PCDH9: variants seen among roughly 807,000 people sequenced by gnomAD.
PCDH9 encodes protocadherin 9, also known as protocadherin-9.
A neutral mutation model predicts 70.6 loss-of-function variants in PCDH9; 24 were observed. The ratio of observed to expected loss-of-function variants is 0.34; its 90% confidence interval spans 0.25 to 0.48. The LOEUF (loss-of-function observed/expected upper bound fraction) is 0.48, where lower values mean the gene tolerates loss of function less well. PCDH9 is among the 20% of genes least tolerant of loss of function. The pLI, the probability that PCDH9 is intolerant of heterozygous loss-of-function variation, is 0.99. For missense variants in PCDH9, 1,281 were observed against 1,503.6 expected (o/e 0.85, Z 2.45); for synonymous variants, 562 against 558.5 (o/e 1.01, Z -0.09).
At chr13:66,775,972 C>T (rs1189082852) in intron 3 of PCDH9, among the ~76,000 whole-genome samples, 3 of 152,124 alleles carry the variant, frequency 2.0e-5, no homozygotes, top group South Asian at 4.2e-4. Flanking sequence ...TTCCATCCAC[C>T]ATGTTGGAGG....
chr13:66,629,499 A>C (rs187608988), intron 4 of PCDH9, among the ~76,000 whole-genome samples: 55 of 152,362 alleles, frequency 3.6e-4, no homozygotes, highest in African/African-American at 1.3e-3. Flanking sequence ...GATTCAATGA[A>C]ACCACTTAGA....
At chr13:66,490,300 T>C (rs1959012883) in intron 4 of PCDH9, among the ~76,000 whole-genome samples, 1 of 152,232 alleles carries the variant, frequency 6.6e-6, no homozygotes, top group South Asian at 2.1e-4. Context: ...CCAAAAGTTC[T>C]GAGAGGGTGA....
intron 3 of PCDH9, among the ~76,000 whole-genome samples, chr13:66,827,551 G>C (rs1055357440): frequency 2.0e-5 from 3 of 152,062 alleles, no homozygotes; most frequent in Non-Finnish European, 2.9e-5. Context: ...GTGAGGGAAA[G>C]TTTCAGGCAC....
chr13:66,700,117 A>C (rs1238535565), intron 3 of PCDH9, among the ~76,000 whole-genome samples: 1 of 152,170 alleles, frequency 6.6e-6, no homozygotes, highest in Admixed American at 6.5e-5. Context: ...GAACTAGTTA[A>C]CGTGCACCTA....
intron 4 of PCDH9, among the ~76,000 whole-genome samples, chr13:66,425,380 G>C (rs1957651166): frequency 6.6e-6 from 1 of 151,480 alleles, no homozygotes; most frequent in Non-Finnish European, 1.5e-5. Context: ...ACACCGACTA[G>C]GTAACTAAGT....
chr13:67,061,437 A>C (rs569346554), intron 2 of PCDH9, among the ~76,000 whole-genome samples: 1 of 152,132 alleles, frequency 6.6e-6, no homozygotes, highest in South Asian at 2.1e-4. Flanking sequence ...ATGTATATCC[A>C]ACACAGTTAC....
chr13:66,964,193 C>G (rs964868162), intron 2 of PCDH9, among the ~76,000 whole-genome samples: 32 of 151,754 alleles, frequency 2.1e-4, no homozygotes, highest in African/African-American at 7.5e-4. Context: ...AAATATTATT[C>G]TCTATAACTT....
chr13:66,957,639 G>C (rs1317351949), intron 2 of PCDH9, among the ~76,000 whole-genome samples: 1 of 152,038 alleles, frequency 6.6e-6, no homozygotes, highest in East Asian at 1.9e-4. Flanking sequence ...CCTCATGATG[G>C]AATACTGTCC....
At chr13:66,688,974 G>A (rs1479229134) in intron 3 of PCDH9, among the ~76,000 whole-genome samples, 1 of 151,958 alleles carries the variant, frequency 6.6e-6, no homozygotes, top group African/African-American at 2.4e-5. Context: ...AAAATCTATG[G>A]TCATTTTAAA....
intron 4 of PCDH9, among the ~76,000 whole-genome samples, chr13:66,405,116 A>G (rs1413624385): frequency 6.6e-6 from 1 of 152,202 alleles, no homozygotes; most frequent in Non-Finnish European, 1.5e-5. Flanking sequence ...AGGCAAACAC[A>G]TAACACAGAT....
At chr13:66,418,998 A>T (rs987994050) in intron 4 of PCDH9, among the ~76,000 whole-genome samples, 21 of 152,158 alleles carry the variant, frequency 1.4e-4, no homozygotes, top group African/African-American at 4.8e-4. Context: ...GAAGAAATGG[A>T]TATATTCCTA....
intron 2 of PCDH9, among the ~76,000 whole-genome samples, chr13:66,962,533 G>A (rs749993224): frequency 2.0e-5 from 3 of 152,174 alleles, no homozygotes; most frequent in Non-Finnish European, 4.4e-5. Context: ...TAGGTTATAT[G>A]GTATAGGCTA....
chr13:66,883,893 C>T (rs1360137583), intron 3 of PCDH9, among the ~76,000 whole-genome samples: 1 of 146,578 alleles, frequency 6.8e-6, no homozygotes, highest in African/African-American at 2.6e-5. Flanking sequence ...TCATCTTGAG[C>T]GTTCATTTTT....
chr13:66,377,112 T>C (rs1956762513), intron 4 of PCDH9, among the ~76,000 whole-genome samples: 1 of 152,184 alleles, frequency 6.6e-6, no homozygotes, highest in Non-Finnish European at 1.5e-5. Flanking sequence ...AATCACCATA[T>C]CTGTGAAGAA....
chr13:66,445,340 T>C (rs1176875637), intron 4 of PCDH9, among the ~76,000 whole-genome samples: 1 of 147,562 alleles, frequency 6.8e-6, no homozygotes, highest in Admixed American at 6.8e-5. Flanking sequence ...ATTTAGTTCA[T>C]TGCAGAAAGT....
intron 3 of PCDH9, among the ~76,000 whole-genome samples, chr13:66,720,933 G>C (rs2078934332): frequency 6.6e-6 from 1 of 152,168 alleles, no homozygotes; most frequent in Admixed American, 6.5e-5. Context: ...GGTGGAATGA[G>C]ATAAATAGCA....
At chr13:66,472,865 T>C (rs957591080) in intron 4 of PCDH9, among the ~76,000 whole-genome samples, 1 of 152,188 alleles carries the variant, frequency 6.6e-6, no homozygotes, top group African/African-American at 2.4e-5. Context: ...AAGTAATCTA[T>C]GTGTTGTTAA....
chr13:66,834,917 G>A (rs994296849), intron 3 of PCDH9, among the ~76,000 whole-genome samples: 3 of 152,182 alleles, frequency 2.0e-5, no homozygotes, highest in African/African-American at 7.2e-5. Flanking sequence ...GTAATAGCAG[G>A]AATACTATTT....
chr13:67,136,336 TAAC>T (rs1226019795), intron 2 of PCDH9, among the ~76,000 whole-genome samples: 2 of 152,128 alleles, frequency 1.3e-5, no homozygotes, highest in African/African-American at 4.8e-5. Context: ...CAAAATTGCC[TAAC>T]AACACATTTC....
Sources: gnomAD v4.1 joint callset for allele counts (sites outside exome capture counted in the v4.1 genomes callset) on GRCh38, gnomAD v4.1.1 for gene constraint, MANE v1.5 for transcripts, NCBI Gene and HGNC (gene_info 2026-07-23, HGNC 2026-07-21) for gene names.